Variants in ADA observed in about 807,000 individuals in gnomAD.
ADA encodes the protein adenosine aminohydrolase.
Under a neutral mutation model 49.0 loss-of-function variants are expected in ADA, and 45 were observed. That is an observed-to-expected ratio of 0.92 (90% CI 0.72 to 1.18). ADA has a LOEUF of 1.18. Ranked by LOEUF, ADA falls within the 50% of genes most tolerant of loss-of-function variation. The probability of loss-of-function intolerance (pLI) is 0.00; values close to 1 mark genes in which losing one functional copy is unlikely to be tolerated. For synonymous variants in ADA, 173 were observed against 184.2 expected, an observed-to-expected ratio of 0.94 and a Z score of 0.49; for missense variants, 445 against 472.5, an observed-to-expected ratio of 0.94 and a Z score of 0.54.
chr20:44,651,145 AC>A (rs1461913288), intron 1 of ADA, among the ~76,000 whole-genome samples: 1 of 151,900 alleles, frequency 6.6e-6, no homozygotes, highest in Non-Finnish European at 1.5e-5. Flanking sequence ...CACCACCATA[AC>A]GCTGGCGTAC....
chr20:44,632,033 T>G (rs2145330462), intron 2 of ADA, among the ~76,000 whole-genome samples: 1 of 152,314 alleles, frequency 6.6e-6, no homozygotes, highest in South Asian at 2.1e-4. Flanking sequence ...CAAATTATTT[T>G]GCTTTCTATT....
At chr20:44,625,899 G>T (rs1406927596) in intron 4 of ADA, among the ~76,000 whole-genome samples, 2 of 152,160 alleles carry the variant, frequency 1.3e-5, no homozygotes, top group African/African-American at 4.8e-5. Context: ...ATCTTAGTGG[G>T]AGGTGTGGGG....
intron 10 of ADA, 26 bp from the exon 11 acceptor site, chr20:44,620,427 C>T: frequency 8.2e-6 from 13 of 1,590,892 alleles, no homozygotes; most frequent in Non-Finnish European, 1.1e-5. Flanking sequence ...TGGCAGACAA[C>T]ATGGAACCAG....
At chr20:44,631,326 G>A (rs930947235) in intron 2 of ADA, among the ~76,000 whole-genome samples, 2 of 152,024 alleles carry the variant, frequency 1.3e-5, no homozygotes, top group Non-Finnish European at 2.9e-5. Context: ...GCAGGGGAAC[G>A]GTGCCCTGGT....
chr20:44,631,577 C>A (rs1246197912), intron 2 of ADA, among the ~76,000 whole-genome samples: 1 of 152,152 alleles, frequency 6.6e-6, no homozygotes. Context: ...AACCCAGTGG[C>A]CACATTTGCC....
In ADA at chr20:44,622,587, C is replaced by G. The variant is rs766590645; in HGVS notation, c.845+1G>C. On this transcript the variant is annotated splice_donor_variant, in intron 9 of 11. Transcript: ENST00000372874. LOFTEE classifies it high-confidence loss of function. ...AACAGGCCCAGGGGAACAGAGCTCA[C>G]CGAATGACTGCATGCTCCGTGTCCG... 1.9e-6 allele frequency: 3 copies of G among 1,614,148 alleles called. No individual in the cohort carries two copies. The highest frequency in any genetic ancestry group is 3.3e-5 in the Admixed American group (2 of 60,018).
At chr20:44,633,524 G>A (rs1323574545) in intron 2 of ADA, among the ~76,000 whole-genome samples, 2 of 152,298 alleles carry the variant, frequency 1.3e-5, no homozygotes, top group East Asian at 3.9e-4. Context: ...AGTGAGATGG[G>A]GAAGCTGGGG....
At chr20:44,640,830 G>A (rs543703854) in intron 1 of ADA, among the ~76,000 whole-genome samples, 1 of 152,102 alleles carries the variant, frequency 6.6e-6, no homozygotes, top group South Asian at 2.1e-4. Flanking sequence ...AGAGGAAGCA[G>A]CAACGTGACC....
intron 6 of ADA, 38 bp downstream of exon 6, chr20:44,624,164 C>T: frequency 6.3e-7 from 1 of 1,580,086 alleles, no homozygotes; most frequent in Admixed American, 1.8e-5. Context: ...ACAAGCTCAC[C>T]CAGGGCCAGC....
chr20:44,644,369 A>C (rs1264777153), intron 1 of ADA, among the ~76,000 whole-genome samples: 2 of 151,992 alleles, frequency 1.3e-5, no homozygotes, highest in East Asian at 3.9e-4. Context: ...TTCAATGACC[A>C]CACCGTTATT....
intron 9 of ADA, 93 bp from the exon 10 acceptor site, chr20:44,621,240 A>G (rs1042010088): frequency 2.6e-6 from 4 of 1,511,478 alleles, no homozygotes; most frequent in African/African-American, 1.4e-5. Flanking sequence ...TGATCCTCAC[A>G]GCAGCCTCAA....
intron 2 of ADA, among the ~76,000 whole-genome samples, chr20:44,632,532 G>C (rs1449149633): frequency 6.6e-6 from 1 of 152,130 alleles, no homozygotes; most frequent in Non-Finnish European, 1.5e-5. Flanking sequence ...GTCTCCCATG[G>C]GACACAGCTT....
chr20:44,642,495 T>C (rs1162135518), intron 1 of ADA, among the ~76,000 whole-genome samples: 1 of 152,128 alleles, frequency 6.6e-6, no homozygotes, highest in African/African-American at 2.4e-5. Context: ...GGAGAATGGC[T>C]CCAGGCAGGG....
intron 5 of ADA, 64 bp from the exon 6 acceptor site, chr20:44,624,393 T>C: frequency 1.2e-6 from 2 of 1,606,772 alleles, no homozygotes; most frequent in Non-Finnish European, 1.7e-6. Context: ...CCAGCCTACC[T>C]GCCTGCTGTC....
chr20:44,629,942 C>T (rs1208807707), intron 2 of ADA, among the ~76,000 whole-genome samples: 1 of 152,142 alleles, frequency 6.6e-6, no homozygotes, highest in Non-Finnish European at 1.5e-5. Context: ...GCTCCTGCCT[C>T]CTCATCCCAT....
intron 1 of ADA, among the ~76,000 whole-genome samples, chr20:44,637,396 C>A (rs1035251313): frequency 2.0e-5 from 3 of 152,162 alleles, no homozygotes; most frequent in African/African-American, 7.2e-5. Flanking sequence ...AAGGAAACAG[C>A]CCCTGCCGCT....
At chr20:44,645,012 A>T (rs2065575988) in intron 1 of ADA, among the ~76,000 whole-genome samples, 1 of 152,224 alleles carries the variant, frequency 6.6e-6, no homozygotes, top group Admixed American at 6.5e-5. Flanking sequence ...CCAGGAAGCT[A>T]TTTGACTCTA....
At chr20:44,628,250 C>T (rs2065400388) in intron 3 of ADA, among the ~76,000 whole-genome samples, 1 of 152,134 alleles carries the variant, frequency 6.6e-6, no homozygotes, top group African/African-American at 2.4e-5. Flanking sequence ...GGAGGCCAGG[C>T]GCAGTGGCTC....
rs2065327826 is a variant in ADA, at chr20:44,621,132, C to T, written c.861G>A (p.Gln287=). Residue 287 remains glutamine (Q), a synonymous_variant, in exon 10 of 12, where the codon CAG becomes CAA. Transcript: ENST00000372874. ...EHAVIRLKND[Q]ANYSLNTDDP... ...CATCTGTGTTGAGCGAGTAGTTAGC[C>T]TGGTCATTTTTGAGCCTGCAGAAGA... The T allele has an allele frequency of 6.2e-7, 1 of 1,614,176 alleles. No individual in the cohort carries two copies.
Sources: gnomAD v4.1 joint callset for allele counts (sites outside exome capture counted in the v4.1 genomes callset) on GRCh38, gnomAD v4.1.1 for gene constraint, MANE v1.5 for transcripts, NCBI Gene and HGNC (gene_info 2026-07-23, HGNC 2026-07-21) for gene names.